Variants in NALCN observed in about 807,000 individuals in gnomAD.
NALCN encodes the protein sodium leak channel NALCN.
In NALCN, 111 loss-of-function variants were observed where a neutral mutation model predicts 225.3. The ratio of observed to expected loss-of-function variants is 0.49; its 90% CI spans 0.42 to 0.58. The LOEUF (loss-of-function observed/expected upper bound fraction) is 0.58, where lower values mean the gene tolerates loss of function less well. Ranked by LOEUF, NALCN falls within the 20% of genes least tolerant of loss-of-function variation. The pLI, the probability that NALCN is intolerant of heterozygous loss-of-function variation, is 0.00. For missense variants in NALCN, 1,378 were observed against 2,202.4 expected, an observed-to-expected ratio of 0.63 and a Z score of 7.49; for synonymous variants, 764 against 769.0, an observed-to-expected ratio of 0.99 and a Z score of 0.11.
chr13:101,290,974 C>T (rs533706382), intron 9 of NALCN, among the ~76,000 whole-genome samples: 1 of 152,104 alleles, frequency 6.6e-6, no homozygotes, highest in African/African-American at 2.4e-5. Context: ...CTTTTTTTAA[C>T]ACCACAAAAA....
chr13:101,232,442 TTTC>T (rs2041384178), intron 12 of NALCN, among the ~76,000 whole-genome samples: 1 of 139,620 alleles, frequency 7.2e-6, no homozygotes, highest in Admixed American at 6.9e-5. Flanking sequence ...CTGTAATTCT[TTTC>T]TTTTCTTTTT....
intron 17 of NALCN, among the ~76,000 whole-genome samples, chr13:101,142,204 C>T (rs1241450278): frequency 1.5e-5 from 2 of 131,724 alleles, no homozygotes; most frequent in Non-Finnish European, 3.1e-5. Context: ...TACAGTGGCA[C>T]AATCTCAGCT....
intron 6 of NALCN, among the ~76,000 whole-genome samples, chr13:101,354,070 G>A (rs1485388336): frequency 4.6e-5 from 7 of 152,170 alleles, no homozygotes; most frequent in African/African-American, 1.7e-4. Context: ...TTGGTCGGGT[G>A]CAGTGGCTCA....
chr13:101,277,896 C>T lies in NALCN; in HGVS notation c.1134+6037G>A, dbSNP rs537840471. Among the ~76,000 whole-genome samples, 3 of 152,324 alleles carry T rather than the reference C, an allele frequency of 2.0e-5. No individual in the cohort carries two copies. The South Asian group carries it at 6.2e-4, about 32-fold the overall frequency. The stretch of plus-strand genomic sequence containing the variant: ...AGCCTCTCTGCCTCTGCTCATGTGG[C>T]AGCCACCACTCAGCTCTGGCCAACT... On this transcript the variant is annotated intron_variant, in intron 10 of 43. Transcript: ENST00000251127.
intron 1 of NALCN, among the ~76,000 whole-genome samples, chr13:101,400,318 C>G (rs947408643): frequency 1.3e-5 from 2 of 152,028 alleles, no homozygotes; most frequent in African/African-American, 4.8e-5. Context: ...GTTGACCATG[C>G]TGAAGCTGCA....
At chr13:101,107,656 C>A in intron 21 of NALCN, 42 bp downstream of exon 21, 1 of 1,613,942 alleles carries the variant, frequency 6.2e-7, no homozygotes, top group Middle Eastern at 1.7e-4. Context: ...GAAATTTTGC[C>A]ATTCCCGAAT....
chr13:101,148,445 C>T (rs2037467370), intron 15 of NALCN, among the ~76,000 whole-genome samples: 1 of 152,170 alleles, frequency 6.6e-6, no homozygotes, highest in Non-Finnish European at 1.5e-5. Flanking sequence ...CTGGACCATC[C>T]AGAACAATTA....
At chr13:101,058,101 C>A (rs373568484) in intron 42 of NALCN, 45 bp from the exon 43 acceptor site, 3 of 1,511,148 alleles carry the variant, frequency 2.0e-6, no homozygotes, top group African/African-American at 1.4e-5. Flanking sequence ...TTTAACCCTG[C>A]GCTCTCCTCC....
chr13:101,094,909 GATA>G (rs1308702745), intron 28 of NALCN, among the ~76,000 whole-genome samples: 1 of 152,110 alleles, frequency 6.6e-6, no homozygotes, highest in Non-Finnish European at 1.5e-5. Context: ...TTAAAAAACA[GATA>G]ATAATTTTAA....
At chr13:101,304,675 C>A (rs941104408) in intron 7 of NALCN, among the ~76,000 whole-genome samples, 3 of 151,946 alleles carry the variant, frequency 2.0e-5, no homozygotes. Context: ...TGAGCTCAAG[C>A]GGTCCACCCA....
chr13:101,394,166 T>C (rs1594778967), intron 3 of NALCN, among the ~76,000 whole-genome samples: 1 of 152,170 alleles, frequency 6.6e-6, no homozygotes, highest in East Asian at 1.9e-4. Flanking sequence ...ACATTATAAC[T>C]GTAATATACT....
At chr13:101,083,826 G>A (rs768787040) in intron 30 of NALCN, 22 bp from the exon 31 acceptor site, 2 of 1,609,502 alleles carry the variant, frequency 1.2e-6, no homozygotes, top group African/African-American at 1.3e-5. Flanking sequence ...AAAGAAAGCA[G>A]GAAAAGGCCT....
intron 39 of NALCN, among the ~76,000 whole-genome samples, chr13:101,067,481 T>A (rs1199077015): frequency 1.3e-5 from 2 of 152,184 alleles, no homozygotes; most frequent in East Asian, 3.8e-4. Context: ...AACATTCAAG[T>A]AGTAACTCAA....
At chr13:101,304,532 C>G (rs1221220908) in intron 7 of NALCN, among the ~76,000 whole-genome samples, 2 of 152,004 alleles carry the variant, frequency 1.3e-5, no homozygotes, top group African/African-American at 4.8e-5. Context: ...TCTCGGCTCA[C>G]TTCAATCTCC....
chr13:101,060,113 TA>T, intron 41 of NALCN, 146 bp from the exon 42 acceptor site: 1 of 903,630 alleles, frequency 1.1e-6, no homozygotes, highest in Non-Finnish European at 1.7e-6. Flanking sequence ...GATCCTGAAC[TA>T]ATTTCAATGT....
chr13:101,194,480 T>C (rs370182502), intron 13 of NALCN, among the ~76,000 whole-genome samples: 1 of 152,206 alleles, frequency 6.6e-6, no homozygotes, highest in African/African-American at 2.4e-5. Flanking sequence ...GAGATTTTTA[T>C]CCAGAAATTT....
chr13:101,080,187 T>C (rs1300118250), intron 34 of NALCN, among the ~76,000 whole-genome samples: 5 of 152,142 alleles, frequency 3.3e-5, no homozygotes. Flanking sequence ...GCAAATAAAT[T>C]AGTCAAGGCT....
chr13:101,099,456 A>C (rs2034690866), intron 27 of NALCN, among the ~76,000 whole-genome samples: 1 of 152,126 alleles, frequency 6.6e-6, no homozygotes, highest in Non-Finnish European at 1.5e-5. Context: ...GCTAGAAATA[A>C]ATAATGTAGT....
At chr13:101,184,423 C>CCT (rs2039367360) in intron 14 of NALCN, among the ~76,000 whole-genome samples, 1 of 152,164 alleles carries the variant, frequency 6.6e-6, no homozygotes, top group African/African-American at 2.4e-5. Context: ...TCTAATACCT[C>CCT]CTCTTCCTTT....
Sources: gnomAD v4.1 joint callset for allele counts (sites outside exome capture counted in the v4.1 genomes callset) on GRCh38, gnomAD v4.1.1 for gene constraint, MANE v1.5 for transcripts, NCBI Gene and HGNC (gene_info 2026-07-23, HGNC 2026-07-21) for gene names.